Variants in KLHL4 observed in about 807,000 individuals in gnomAD.
The protein encoded by KLHL4 is kelch-like protein 4.
In KLHL4, 17 loss-of-function variants were observed where a neutral mutation model predicts 45.8. That is an observed-to-expected ratio of 0.37 (90% CI 0.25 to 0.56). The LOEUF (loss-of-function observed/expected upper bound fraction) is 0.56. Among genes scored for constraint, KLHL4 ranks in the 20% least tolerant of loss-of-function variants. The pLI is 0.79. For missense variants in KLHL4, 544 were observed against 544.9 expected, an observed-to-expected ratio of 1.00 and a Z score of 0.02; for synonymous variants, 224 against 189.9, an observed-to-expected ratio of 1.18 and a Z score of -1.47.
chrX:87,600,868 A>AT (rs1267906984), intron 1 of KLHL4, among the ~76,000 whole-genome samples: 1 of 111,807 alleles, frequency 8.9e-6, no homozygotes, highest in African/African-American at 3.3e-5. Context: ...CACAGTTTTT[A>AT]TTTTTTCATT....
chrX:87,560,835 C>A (rs1039832818), intron 1 of KLHL4, among the ~76,000 whole-genome samples: 1 of 111,343 alleles, frequency 9.0e-6, no homozygotes, highest in African/African-American at 3.3e-5. Flanking sequence ...ACTACAGTTT[C>A]TTTATTCAAT....
In KLHL4 at chrX:87,668,580, C is replaced by T. The variant is rs1924456415; in HGVS notation, c.*2046C>T. ...AAACTTAACTCCTAATGTAGCAGTA[C>T]TGAGAGGCAGGGCCCTTAAGAGGTG... On this transcript the variant is annotated 3_prime_UTR_variant, in exon 11 of 11. Coordinates refer to ENST00000373119, the MANE Select transcript of KLHL4 (RefSeq NM_019117.5). 2.0e-6 allele frequency: 1 copy of T among 511,814 alleles called. No homozygotes were observed. The highest frequency in any genetic ancestry group is 2.4e-6 in the Non-Finnish European group (1 of 418,241). 42.2% of individuals were successfully genotyped at this position (511,814 alleles called of 1,213,427 possible).
In KLHL4 at chrX:87,631,689, A is replaced by G. The variant is rs765136197; in HGVS notation, c.1325-521A>G. Among the ~76,000 whole-genome samples, 4 of 111,557 alleles carry G rather than the reference A, an allele frequency of 3.6e-5. No homozygotes were observed. In the South Asian group the frequency reaches 1.5e-3, roughly 42 times the overall value. ...ACGACACACAGCTAAAGGCCCGTTT[A>G]AAAATAATTTTCATTCCTGGTCCTT... On this transcript the variant is annotated intron_variant, in intron 6 of 10. Transcript: ENST00000373119.
intron 1 of KLHL4, among the ~76,000 whole-genome samples, chrX:87,533,304 C>G (rs1427248043): frequency 1.1e-5 from 1 of 93,454 alleles, no homozygotes. Context: ...GGAACCAACC[C>G]AAATGTCCAA....
chrX:87,640,820 G>T (rs1272737763), intron 9 of KLHL4, among the ~76,000 whole-genome samples: 1 of 111,425 alleles, frequency 9.0e-6, no homozygotes, highest in Admixed American at 9.6e-5. Context: ...ATTCAACATA[G>T]TATTGGAAGT....
intron 1 of KLHL4, among the ~76,000 whole-genome samples, chrX:87,597,583 C>T (rs1299213237): frequency 9.0e-6 from 1 of 111,318 alleles, no homozygotes; most frequent in Non-Finnish European, 1.9e-5. Flanking sequence ...TTAGGCATAT[C>T]GAGTTAGGTA....
intron 1 of KLHL4, among the ~76,000 whole-genome samples, chrX:87,544,100 G>A (rs1033311813): frequency 3.6e-5 from 4 of 110,954 alleles, no homozygotes; most frequent in African/African-American, 1.3e-4. Context: ...CTGCCCTGAA[G>A]GTTGAGTCAC....
At chrX:87,607,397 A>T (rs1429291883) in intron 1 of KLHL4, among the ~76,000 whole-genome samples, 1 of 111,429 alleles carries the variant, frequency 9.0e-6, no homozygotes, top group Non-Finnish European at 1.9e-5. Flanking sequence ...AAATTATTTT[A>T]GCCCTATTGG....
At position 87,578,974 on chromosome X, in the gene KLHL4, C is replaced by G. The variant is rs1231769978; in HGVS notation, c.423-34903C>G. Among the ~76,000 whole-genome samples, 4 of 111,881 alleles carry G rather than the reference C, an allele frequency of 3.6e-5. No individual in the cohort carries two copies. In the Admixed American group the frequency reaches 3.8e-4, roughly 11 times the overall value. ...CATCCTGGACTTCCAGTCTAAATCTCAATGTGCTATATTCTTTCTTCAACT... is the reference window on the plus strand; with the variant it reads ...CATCCTGGACTTCCAGTCTAAATCTGAATGTGCTATATTCTTTCTTCAACT... On this transcript the variant is annotated intron_variant, in intron 1 of 10. Coordinates refer to ENST00000373119, the MANE Select transcript of KLHL4 (RefSeq NM_019117.5).
intron 3 of KLHL4, among the ~76,000 whole-genome samples, chrX:87,616,999 G>C (rs760831917): frequency 8.9e-6 from 1 of 111,796 alleles, no homozygotes; most frequent in Non-Finnish European, 1.9e-5. Context: ...GGAATAGTTT[G>C]TAATTGATAT....
intron 9 of KLHL4, among the ~76,000 whole-genome samples, chrX:87,637,771 A>C (rs145332492): frequency 0.012 from 1,373 of 110,883 alleles, 18 homozygotes; most frequent in African/African-American, 0.043. Flanking sequence ...CAACATGGCA[A>C]AACCCTTTCT....
At chrX:87,569,726 G>T (rs756030615) in intron 1 of KLHL4, among the ~76,000 whole-genome samples, 27 of 111,629 alleles carry the variant, frequency 2.4e-4, no homozygotes, top group African/African-American at 7.4e-4. Flanking sequence ...GATACAAAAG[G>T]TCACATGTTG....
At chrX:87,577,224 C>G (rs1370387317) in intron 1 of KLHL4, among the ~76,000 whole-genome samples, 1 of 111,632 alleles carries the variant, frequency 9.0e-6, no homozygotes, top group Non-Finnish European at 1.9e-5. Flanking sequence ...TTCCTGTTTT[C>G]CCGGAGCATA....
At chrX:87,546,642 C>A (rs772777266) in intron 1 of KLHL4, among the ~76,000 whole-genome samples, 3 of 111,845 alleles carry the variant, frequency 2.7e-5, no homozygotes, top group African/African-American at 9.8e-5. Flanking sequence ...ATGGTAGATC[C>A]ACCAACAGGT....
intron 1 of KLHL4, among the ~76,000 whole-genome samples, chrX:87,580,338 A>AAC (rs58868092): frequency 9.1e-6 from 1 of 109,850 alleles, no homozygotes; most frequent in Non-Finnish European, 1.9e-5. Context: ...AAAAAAAAAA[A>AAC]CCAACAAAAT....
intron 4 of KLHL4, among the ~76,000 whole-genome samples, chrX:87,619,299 G>A (rs1922670031): frequency 9.0e-6 from 1 of 111,637 alleles, no homozygotes; most frequent in Non-Finnish European, 1.9e-5. Flanking sequence ...TATACAGAAG[G>A]TAATTTTTTA....
chrX:87,639,873 AAC>A (rs1421536895), intron 9 of KLHL4, among the ~76,000 whole-genome samples: 5,814 of 108,032 alleles, frequency 0.054, 385 homozygotes, highest in African/African-American at 0.18. Context: ...AAACAACAAC[AAC>A]AAAAAAATAC....
At chrX:87,615,905 T>G (rs929796445) in intron 3 of KLHL4, among the ~76,000 whole-genome samples, 2 of 111,316 alleles carry the variant, frequency 1.8e-5, no homozygotes, top group Admixed American at 9.6e-5. Context: ...TGATACAGGT[T>G]GCAAGCTTTT....
At chrX:87,655,422 C>G (rs1923956641) in intron 9 of KLHL4, among the ~76,000 whole-genome samples, 1 of 111,840 alleles carries the variant, frequency 8.9e-6, no homozygotes, top group Admixed American at 9.5e-5. Flanking sequence ...GAATTGATTT[C>G]TTCATGATTA....
Sources: gnomAD v4.1 joint callset for allele counts (sites outside exome capture counted in the v4.1 genomes callset) on GRCh38, gnomAD v4.1.1 for gene constraint, MANE v1.5 for transcripts, NCBI Gene and HGNC (gene_info 2026-07-23, HGNC 2026-07-21) for gene names.